SCAF4: variants seen among roughly 807,000 people sequenced by gnomAD.
The protein encoded by SCAF4 is SR-related and CTD-associated factor 4.
Under a neutral mutation model 129.8 loss-of-function variants are expected in SCAF4, and 25 were observed. The observed-to-expected ratio is 0.19, with a 90% CI of 0.14 to 0.27. SCAF4 has a LOEUF of 0.27. SCAF4 is among the 10% of genes least tolerant of loss of function. The pLI is 1.00. For synonymous variants in SCAF4, 551 were observed against 497.7 expected (o/e 1.11, Z -1.43); for missense variants, 1,246 against 1,457.1 (o/e 0.86, Z 2.36).
intron 1 of SCAF4, among the ~76,000 whole-genome samples, chr21:31,713,385 A>G (rs2123643458): frequency 6.6e-6 from 1 of 152,368 alleles, no homozygotes; most frequent in East Asian, 1.9e-4. Context: ...CTCCTTATTT[A>G]GTTAAGTCTA....
At position 31,706,286 on chromosome 21, in the gene SCAF4, A is replaced by T; in HGVS notation, c.102T>A (p.Ile34=). ...ATTTTATCATTACCTTAATAGCTTT[A>T]ATAGCAGCTTTAGTGATGAGAATCA... is the stretch of plus-strand genomic sequence containing the variant. ...AKMILITKAA[I]KAIKLYKHVV... The change falls in exon 2 of 20, where the codon ATT becomes ATA. Residue 34 remains isoleucine (I), a synonymous_variant. Transcript: ENST00000286835. 4 of 1,591,592 alleles carry T rather than the reference A, an allele frequency of 2.5e-6. No individual in the cohort carries two copies. Among genetic ancestry groups the T allele is most frequent in the Non-Finnish European group, 3.4e-6 (4 of 1,162,512 alleles).
At chr21:31,675,669 G>GTGATGAGA (rs1193443187) in intron 19 of SCAF4, among the ~76,000 whole-genome samples, 3 of 152,196 alleles carry the variant, frequency 2.0e-5, no homozygotes, top group Non-Finnish European at 2.9e-5. Context: ...GACCAAAACA[G>GTGATGAGA]TGATGGCTCT....
Position 31,703,903 on chromosome 21 carries a change from C to T in SCAF4, c.183G>A (p.Pro61=), listed in dbSNP as rs750783822. 27 of 1,580,500 alleles carry T rather than the reference C, an allele frequency of 1.7e-5. No individual in the cohort carries two copies. Among genetic ancestry groups the T allele is most frequent in the East Asian group, 9.0e-5 (4 of 44,470 alleles). Residue 61 remains proline, a synonymous_variant, in exon 4 of 20, where the codon CCG becomes CCA. Coordinates refer to ENST00000286835, the MANE Select transcript of SCAF4 (RefSeq NM_020706.2). Reference sequence around the variant, plus strand: ...CAATTGAGTCAATTACATATAATCCCGGAACCTTGTATTCTGGTTTACACT... The same window carrying T: ...CAATTGAGTCAATTACATATAATCCTGGAACCTTGTATTCTGGTTTACACT... ...IKKCKPEYKV[P]GLYVIDSIVR...
intron 19 of SCAF4, among the ~76,000 whole-genome samples, chr21:31,679,450 T>C (rs572441036): frequency 2.0e-4 from 30 of 152,220 alleles, no homozygotes; most frequent in African/African-American, 6.5e-4. Flanking sequence ...ACCAATAACA[T>C]TTAGGCCTAT....
intron 1 of SCAF4, chr21:31,712,850 T>C (rs1397961005): frequency 1.0e-6 from 1 of 963,364 alleles, no homozygotes; most frequent in Non-Finnish European, 1.2e-6. Flanking sequence ...ATTTTTAAAA[T>C]AAACACTGAT....
At position 31,693,454 on chromosome 21, in the gene SCAF4, A is replaced by G. The variant is rs1423753304; in HGVS notation, c.1353T>C (p.Gly451=). ...GATGCCGAGACCTTCGAGATCTAGA[A>G]CCAGATCTAGATCGCCTCCTTTTTG... is the stretch of plus-strand genomic sequence containing the variant. The part of the protein sequence containing the change: ...RSPKRRRSRS[G]SRSRRSRHRR... Residue 451 remains glycine, a synonymous_variant, in exon 12 of 20, where the codon GGT becomes GGC. Transcript: ENST00000286835. 1.3e-6 allele frequency: 2 copies of G among 1,539,162 alleles called. No individual in the cohort carries two copies. The highest frequency in any genetic ancestry group is 1.7e-5 in the Admixed American group (1 of 57,168).
chr21:31,694,584 A>T (rs2050338228), intron 10 of SCAF4, among the ~76,000 whole-genome samples: 1 of 152,212 alleles, frequency 6.6e-6, no homozygotes, highest in Non-Finnish European at 1.5e-5. Flanking sequence ...TGAAGTAGGC[A>T]CTAGTTAAGC....
intron 7 of SCAF4, among the ~76,000 whole-genome samples, chr21:31,700,407 T>C (rs1035540809): frequency 1.3e-4 from 19 of 151,926 alleles, no homozygotes; most frequent in Admixed American, 6.6e-4. Flanking sequence ...CACTTGGCTG[T>C]CAGGTTTTTT....
intron 1 of SCAF4, among the ~76,000 whole-genome samples, chr21:31,713,939 T>C (rs1272817167): frequency 9.2e-5 from 14 of 152,136 alleles, no homozygotes; most frequent in Non-Finnish European, 1.9e-4. Context: ...GCTTTATATA[T>C]CAAGTCTAAA....
intron 14 of SCAF4, among the ~76,000 whole-genome samples, chr21:31,691,517 A>G (rs988710823): frequency 6.6e-6 from 1 of 152,200 alleles, no homozygotes; most frequent in African/African-American, 2.4e-5. Context: ...TGAACAGGAC[A>G]AAACATATTG....
At chr21:31,712,421 T>C (rs2050822310) in intron 1 of SCAF4, among the ~76,000 whole-genome samples, 1 of 151,992 alleles carries the variant, frequency 6.6e-6, no homozygotes, top group Middle Eastern at 3.2e-3. Context: ...TTTTGCCATG[T>C]TGCCCAGGAT....
Position 31,731,977 on chromosome 21 carries a change from G to T in SCAF4, c.-285C>A. ...ATGTCCGTTTGGTGGTGGCGGCTGC[G>T]CTCTGCGTCTCGCTGACACGGCCCC... On this transcript the variant is annotated 5_prime_UTR_variant, in exon 1 of 20. Transcript: ENST00000286835. 1 of 474,878 alleles carries T rather than the reference G, an allele frequency of 2.1e-6. No homozygotes were observed. Among genetic ancestry groups the T allele is most frequent in the East Asian group, 3.5e-5 (1 of 28,280 alleles). The allele number at this position is 474,878 out of a possible 1,614,324, so 29.4% of individuals were successfully genotyped here.
rs1215806550 is a variant in SCAF4 at position 31,672,124 on chromosome 21, C to T, written c.2719G>A (p.Gly907Ser). The T allele has an allele frequency of 6.2e-7, 1 of 1,610,116 alleles. No individual in the cohort carries two copies. Among genetic ancestry groups the T allele is most frequent in the African/African-American group, 1.3e-5 (1 of 74,928 alleles). Reference protein sequence around the residue: ...FAMPPPHGMKGPFPPHGPFVR... With the variant: ...FAMPPPHGMKSPFPPHGPFVR... Reference sequence around the variant, plus strand: ...AAGGGGCCATGCGGTGGGAAGGGACCTTTCATTCCATGAGGTGGAGGCATC... The same window carrying T: ...AAGGGGCCATGCGGTGGGAAGGGACTTTTCATTCCATGAGGTGGAGGCATC... Residue 907 changes from glycine (G) to serine (S), a missense_variant, in exon 20 of 20, where the codon GGT becomes AGT. By Grantham distance (56) the Gly-to-Ser change is moderately conservative. This residue lies in a region of SCAF4 where 339 missense variants were observed against 325.0 expected (regional missense o/e 1.04). Coordinates refer to ENST00000286835, the MANE Select transcript of SCAF4 (RefSeq NM_020706.2).
In SCAF4 at chr21:31,692,357, A is replaced by C. The variant is rs1385204463; in HGVS notation, c.1606T>G (p.Ser536Ala). ...SLLEEFGPIE[S>A]INMIPPRGCA... ...ACTGAATAAACACTCACATTAATTG[A>C]TTCAATTGGACCAAACTCTTCCAAG... The change falls in exon 13 of 20, where the codon TCA (serine) becomes GCA (alanine). Residue 536 changes from serine (S) to alanine (A), a missense_variant. Around this residue, in one of 6 missense-constraint regions of SCAF4, gnomAD observed 468 missense variants for 605.5 expected, o/e 0.77. Transcript: ENST00000286835. 1 of 1,611,118 alleles carries C rather than the reference A, an allele frequency of 6.2e-7. No homozygotes were observed. The highest frequency in any genetic ancestry group is 8.5e-7 in the Non-Finnish European group (1 of 1,177,272).
At chr21:31,707,593 C>A (rs2050698581) in intron 1 of SCAF4, among the ~76,000 whole-genome samples, 1 of 152,188 alleles carries the variant, frequency 6.6e-6, no homozygotes, top group Non-Finnish European at 1.5e-5. Context: ...CCTGGGACTT[C>A]CAAAAGATAT....
At chr21:31,676,969 T>G (rs894591002) in intron 19 of SCAF4, among the ~76,000 whole-genome samples, 3 of 152,196 alleles carry the variant, frequency 2.0e-5, no homozygotes, top group Non-Finnish European at 4.4e-5. Flanking sequence ...CCTGTGTGAC[T>G]GACTTTTGCT....
rs1409155349 is a variant in SCAF4 at position 31,691,004 on chromosome 21, G to C, written c.1729-51C>G. Reference sequence around the variant, plus strand: ...AAAAGAAAACAAAGCAAGGTCGTAAGTCTTGAGGGTATTATTCTCTATCAT... The same window carrying C: ...AAAAGAAAACAAAGCAAGGTCGTAACTCTTGAGGGTATTATTCTCTATCAT... On this transcript the variant is annotated intron_variant, in intron 14 of 19. Coordinates refer to ENST00000286835, the MANE Select transcript of SCAF4 (RefSeq NM_020706.2). 3.4e-6 allele frequency: 5 copies of C among 1,480,956 alleles called. No individual in the cohort carries two copies. In the Admixed American group the frequency reaches 9.5e-5, roughly 28 times the overall value. 91.7% of individuals were successfully genotyped at this position (1,480,956 alleles called of 1,614,324 possible).
At chr21:31,706,840 G>T in intron 1 of SCAF4, 1 of 245,030 alleles carries the variant, frequency 4.1e-6, no homozygotes, top group South Asian at 5.4e-5. Context: ...AGCCTCTGAT[G>T]AAGCCAGAGA....
intron 19 of SCAF4, among the ~76,000 whole-genome samples, chr21:31,676,010 CCA>C (rs1487590304): frequency 1.3e-5 from 2 of 152,070 alleles, no homozygotes; most frequent in Non-Finnish European, 2.9e-5. Context: ...CTGTCAAGGA[CCA>C]CAGAGTGTAC....
Sources: gnomAD v4.1 joint callset for allele counts (sites outside exome capture counted in the v4.1 genomes callset) on GRCh38, gnomAD v4.1.1 for gene constraint, gnomAD v4.1.1 regional missense constraint, MANE v1.5 for transcripts, NCBI Gene and HGNC (gene_info 2026-07-23, HGNC 2026-07-21) for gene names.